NFX1: variants seen among roughly 807,000 people sequenced by gnomAD.
NFX1 encodes the protein nuclear transcription factor, X-box binding 1.
NFX1 carries 69 observed loss-of-function variants against 137.2 expected under a neutral mutation model. The observed-to-expected ratio is 0.50, with a 90% CI of 0.41 to 0.61. The LOEUF (loss-of-function observed/expected upper bound fraction) is 0.61, where lower values mean the gene tolerates loss of function less well. NFX1 is among the 20% of genes least tolerant of loss of function. The pLI is 0.00. For synonymous variants in NFX1, 495 were observed against 474.1 expected (o/e 1.04, Z -0.57); for missense variants, 1,167 against 1,391.0 (o/e 0.84, Z 2.56).
chr9:33,323,792 T>G (rs1213012533), intron 9 of NFX1, among the ~76,000 whole-genome samples: 3 of 150,628 alleles, frequency 2.0e-5, no homozygotes, highest in Non-Finnish European at 3.0e-5. Flanking sequence ...TAAATAAATA[T>G]CTTCAAAGAA....
intron 11 of NFX1, among the ~76,000 whole-genome samples, chr9:33,335,144 G>A (rs1305679263): frequency 7.9e-5 from 12 of 151,622 alleles, no homozygotes; most frequent in Middle Eastern, 3.4e-3. Flanking sequence ...CAGTTCAGTG[G>A]CACTTAGTTC....
At chr9:33,362,016 G>A (rs1169894911) in intron 19 of NFX1, among the ~76,000 whole-genome samples, 1 of 151,378 alleles carries the variant, frequency 6.6e-6, no homozygotes, top group Admixed American at 6.6e-5. Flanking sequence ...AGCTACTGGA[G>A]AGGTTGAGGT....
At chr9:33,322,216 A>T (rs1167042306) in intron 9 of NFX1, among the ~76,000 whole-genome samples, 3 of 151,956 alleles carry the variant, frequency 2.0e-5, no homozygotes, top group Admixed American at 2.0e-4. Flanking sequence ...AAAAAAAAAA[A>T]AGTCTCTAGA....
At chr9:33,368,400 A>C (rs923930707) in intron 23 of NFX1, among the ~76,000 whole-genome samples, 1 of 152,238 alleles carries the variant, frequency 6.6e-6, no homozygotes, top group Non-Finnish European at 1.5e-5. Flanking sequence ...AAAGAAAACC[A>C]AGTTGGCAAG....
chr9:33,335,253 G>A (rs1333982867), intron 11 of NFX1, among the ~76,000 whole-genome samples: 5 of 122,192 alleles, frequency 4.1e-5, no homozygotes, highest in South Asian at 4.9e-4. Flanking sequence ...TTTTTGAGAC[G>A]GAGTTTTGCT....
intron 9 of NFX1, among the ~76,000 whole-genome samples, chr9:33,327,940 G>A (rs927810530): frequency 5.3e-5 from 8 of 152,120 alleles, no homozygotes; most frequent in African/African-American, 1.7e-4. Flanking sequence ...GTCATCCATG[G>A]CTACAGTTTT....
At chr9:33,302,585 G>A (rs1199096353) in intron 3 of NFX1, among the ~76,000 whole-genome samples, 1 of 151,018 alleles carries the variant, frequency 6.6e-6, no homozygotes. Context: ...TGAACTCCCA[G>A]GCTCAAGCAA....
chr9:33,317,308 A>G (rs1822196994), intron 7 of NFX1, among the ~76,000 whole-genome samples: 1 of 151,336 alleles, frequency 6.6e-6, no homozygotes, highest in Admixed American at 6.6e-5. Flanking sequence ...ACTCCCAGCT[A>G]CTTGAGGGGC....
intron 19 of NFX1, among the ~76,000 whole-genome samples, chr9:33,362,034 T>C (rs1824009216): frequency 6.7e-6 from 1 of 148,844 alleles, no homozygotes; most frequent in East Asian, 2.0e-4. Flanking sequence ...GGTAGGAGGA[T>C]GGCTTAAGCC....
chr9:33,342,601 C>T (rs988520677), intron 12 of NFX1, 145 bp from the exon 13 acceptor site: 1 of 632,860 alleles, frequency 1.6e-6, no homozygotes, highest in East Asian at 2.8e-5. Flanking sequence ...CACCTACTCT[C>T]CCTTCTGTGG....
In NFX1 at chr9:33,351,567, G is replaced by A; in HGVS notation, c.2432G>A (p.Ser811Asn). The A allele has an allele frequency of 6.2e-7, 1 of 1,614,202 alleles. No homozygotes were observed. Among genetic ancestry groups the A allele is most frequent in the African/African-American group, 1.3e-5 (1 of 75,058 alleles). Residue 811 changes from serine (S) to asparagine (N), a missense_variant, in exon 16 of 24, where the codon AGC (serine) becomes AAC (asparagine). This residue lies in a region of NFX1 where 488 missense variants were observed against 691.5 expected (regional missense o/e 0.71). Coordinates refer to ENST00000379540, the MANE Select transcript of NFX1 (RefSeq NM_002504.6). ...TACTTCTGTCTCTCCTAGTTTCGGA[G>A]CAACATCCCCTGTCACCTGGTTGAT... ...KWCMGKHEFR[S>N]NIPCHLVDIS...
In NFX1 at chr9:33,307,068, A is replaced by G. The variant is rs1268218599; in HGVS notation, c.1271-126A>G. ...TTTTTATTTTAAGATATGGGATAAT[A>G]CATTTGTTGAAATAATAAAAACCAC... On this transcript the variant is annotated intron_variant, in intron 4 of 23. Transcript: ENST00000379540. 6.4e-6 allele frequency: 4 copies of G among 620,510 alleles called. No individual in the cohort carries two copies. The Admixed American group carries it at 9.1e-5, about 14-fold the overall frequency. The allele number at this position is 620,510 out of a possible 1,614,324, so 38.4% of individuals were successfully genotyped here.
intron 17 of NFX1, among the ~76,000 whole-genome samples, chr9:33,353,820 C>T (rs1392445555): frequency 6.6e-6 from 1 of 151,378 alleles, no homozygotes; most frequent in African/African-American, 2.4e-5. Context: ...TCCTGAGTAG[C>T]GGGGATCACA....
rs770430638 is a variant in NFX1 at position 33,354,078 on chromosome 9, T to C, written c.2730-8T>C. ...TGCCTCTTTTTCCCTTTCTTTTTTA[T>C]ATTTCAGAATAGCTGCAATCTCCAT... On this transcript the variant is annotated splice_polypyrimidine_tract_variant and splice_region_variant and intron_variant, in intron 17 of 23. Transcript: ENST00000379540. The C allele has an allele frequency of 6.7e-6, 10 of 1,502,864 alleles. No homozygotes were observed. The highest frequency in any genetic ancestry group is 8.9e-6 in the Non-Finnish European group (10 of 1,117,540). The allele number at this position is 1,502,864 out of a possible 1,614,324, so 93.1% of individuals were successfully genotyped here.
At chr9:33,295,817 C>T (rs954819764) in intron 2 of NFX1, among the ~76,000 whole-genome samples, 3 of 152,194 alleles carry the variant, frequency 2.0e-5, no homozygotes, top group African/African-American at 7.2e-5. Flanking sequence ...TCTAATCTGC[C>T]TCATCTGGTC....
At chr9:33,346,444 G>A (rs938764606) in intron 14 of NFX1, among the ~76,000 whole-genome samples, 8 of 152,182 alleles carry the variant, frequency 5.3e-5, no homozygotes, top group African/African-American at 1.4e-4. Flanking sequence ...AGAGGAGGAG[G>A]ACAGTAGTTC....
intron 15 of NFX1, among the ~76,000 whole-genome samples, chr9:33,350,348 T>G (rs1243720959): frequency 1.3e-5 from 2 of 149,742 alleles, no homozygotes; most frequent in Admixed American, 1.3e-4. Flanking sequence ...AAAATGGCCC[T>G]GCCATCAGTC....
intron 6 of NFX1, among the ~76,000 whole-genome samples, chr9:33,311,815 T>C (rs932054587): frequency 6.6e-6 from 1 of 152,102 alleles, no homozygotes; most frequent in Non-Finnish European, 1.5e-5. Flanking sequence ...CCTCCCAAAG[T>C]GTTGGGATTA....
chr9:33,299,300 A>G (rs1655474531), intron 2 of NFX1, among the ~76,000 whole-genome samples: 1 of 152,172 alleles, frequency 6.6e-6, no homozygotes, highest in Non-Finnish European at 1.5e-5. Flanking sequence ...GCATTTAGTC[A>G]TGTCTCCTGA....
Sources: gnomAD v4.1 joint callset for allele counts (sites outside exome capture counted in the v4.1 genomes callset) on GRCh38, gnomAD v4.1.1 for gene constraint, gnomAD v4.1.1 regional missense constraint, MANE v1.5 for transcripts, NCBI Gene and HGNC (gene_info 2026-07-23, HGNC 2026-07-21) for gene names.